RARB: variants seen among roughly 807,000 people sequenced by gnomAD.
RARB encodes the protein retinoic acid receptor beta.
Under a neutral mutation model 51.9 loss-of-function variants are expected in RARB, and 17 were observed. That is an observed-to-expected ratio of 0.33 (90% CI 0.22 to 0.49). The LOEUF is 0.49. RARB is among the 20% of genes least tolerant of loss of function. RARB has a pLI of 0.99. For missense variants in RARB, 369 were observed against 550.8 expected (o/e 0.67, Z 3.30); for synonymous variants, 215 against 195.4 (o/e 1.10, Z -0.84).
intron 5 of RARB, among the ~76,000 whole-genome samples, chr3:25,337,154 A>G (rs567396718): frequency 1.7e-4 from 26 of 152,202 alleles, no homozygotes; most frequent in African/African-American, 5.1e-4. Flanking sequence ...AGAAATGTAC[A>G]TTTTGCTCAT....
chr3:24,860,258 G>A (rs1215315864), intron 2 of RARB, among the ~76,000 whole-genome samples: 1 of 152,128 alleles, frequency 6.6e-6, no homozygotes, highest in East Asian at 1.9e-4. Context: ...TGTTGATTCT[G>A]ATTGTTCTAG....
chr3:25,009,706 C>T (rs914323993), intron 2 of RARB, among the ~76,000 whole-genome samples: 5 of 152,084 alleles, frequency 3.3e-5, no homozygotes, highest in African/African-American at 1.2e-4. Context: ...CTTTGCTCAC[C>T]AGGTCTCCCT....
chr3:25,586,056 T>G (rs986228909), intron 5 of RARB, among the ~76,000 whole-genome samples: 1 of 152,134 alleles, frequency 6.6e-6, no homozygotes, highest in Non-Finnish European at 1.5e-5. Flanking sequence ...GCCGCCCATC[T>G]GGCCCAACTC....
intron 2 of RARB, among the ~76,000 whole-genome samples, chr3:24,938,832 A>G (rs1045868609): frequency 2.6e-5 from 4 of 152,274 alleles, no homozygotes; most frequent in Non-Finnish European, 1.5e-5. Context: ...GTCCTTTTGT[A>G]TCTGGCTTAT....
intron 3 of RARB, among the ~76,000 whole-genome samples, chr3:25,532,903 G>A (rs1418620087): frequency 1.3e-5 from 2 of 152,164 alleles, no homozygotes; most frequent in Non-Finnish European, 2.9e-5. Flanking sequence ...TCAGAGGCTG[G>A]CCTCAGTACT....
At chr3:25,334,570 C>T (rs1705006091) in intron 5 of RARB, among the ~76,000 whole-genome samples, 1 of 152,022 alleles carries the variant, frequency 6.6e-6, no homozygotes, top group Admixed American at 6.6e-5. Context: ...AGGAGATATA[C>T]CTAATGTAAA....
At chr3:24,832,164 C>G (rs1192166372) in intron 1 of RARB, among the ~76,000 whole-genome samples, 1 of 152,068 alleles carries the variant, frequency 6.6e-6, no homozygotes, top group Non-Finnish European at 1.5e-5. Flanking sequence ...AAGTAAAATG[C>G]CAGCAAAACA....
intron 5 of RARB, among the ~76,000 whole-genome samples, chr3:25,267,868 G>A (rs1461892639): frequency 6.6e-6 from 1 of 152,086 alleles, no homozygotes; most frequent in Non-Finnish European, 1.5e-5. Context: ...ACTGTTTCTG[G>A]GTTGAGCTAC....
At chr3:25,433,500 T>C (rs147645601) in intron 1 of RARB, among the ~76,000 whole-genome samples, 317 of 152,306 alleles carry the variant, frequency 2.1e-3, no homozygotes, top group African/African-American at 7.0e-3. Context: ...CTCTAGCACC[T>C]GTGTGTGCGT....
intron 3 of RARB, among the ~76,000 whole-genome samples, chr3:25,557,050 T>C (rs374418578): frequency 2.0e-5 from 3 of 152,254 alleles, no homozygotes; most frequent in African/African-American, 7.2e-5. Flanking sequence ...AGGCAGTTTC[T>C]CACAATGACG....
intron 2 of RARB, among the ~76,000 whole-genome samples, chr3:24,997,736 C>T (rs1228544787): frequency 6.6e-6 from 1 of 151,998 alleles, no homozygotes; most frequent in Non-Finnish European, 1.5e-5. Flanking sequence ...GATTTATAGC[C>T]ATTTGTGGGA....
intron 1 of RARB, chr3:25,441,485 G>A (rs943536208): frequency 1.8e-5 from 3 of 166,892 alleles, no homozygotes; most frequent in Non-Finnish European, 2.6e-5. Flanking sequence ...GTTTCTTCCC[G>A]GATGCTTTTC....
At chr3:25,175,422 G>T (rs1033649113) in intron 5 of RARB, among the ~76,000 whole-genome samples, 1 of 152,114 alleles carries the variant, frequency 6.6e-6, no homozygotes, top group Non-Finnish European at 1.5e-5. Context: ...ACTCTTCCTG[G>T]TGATTGTTTT....
At chr3:24,912,972 A>ATTTTTTTTTTTTTTTTTTTTTTTTTTT (rs71622787) in intron 2 of RARB, among the ~76,000 whole-genome samples, 10 of 57,646 alleles carry the variant, frequency 1.7e-4, no homozygotes, top group East Asian at 4.9e-4. Context: ...CAAGGTACTG[A>ATTTTTTTTTTTTTTTTTTTTTTTTTTT]TTCTTTTTTT....
intron 2 of RARB, among the ~76,000 whole-genome samples, chr3:24,998,337 A>G (rs545227285): frequency 3.3e-5 from 5 of 151,796 alleles, no homozygotes; most frequent in African/African-American, 7.2e-5. Flanking sequence ...TAAATTTAAA[A>G]AAGTTATAAA....
At chr3:25,325,953 C>T (rs1205618823) in intron 5 of RARB, among the ~76,000 whole-genome samples, 1 of 152,144 alleles carries the variant, frequency 6.6e-6, no homozygotes, top group African/African-American at 2.4e-5. Flanking sequence ...CTGTTGAGAC[C>T]ATGCAAGAGA....
At chr3:25,409,175 C>T (rs1707493284) in intron 5 of RARB, among the ~76,000 whole-genome samples, 1 of 152,214 alleles carries the variant, frequency 6.6e-6, no homozygotes, top group Non-Finnish European at 1.5e-5. Context: ...CTCACCACTC[C>T]TTGTTCCTTA....
chr3:25,541,835 C>T (rs766092378), intron 3 of RARB, among the ~76,000 whole-genome samples: 1 of 152,210 alleles, frequency 6.6e-6, no homozygotes, highest in Non-Finnish European at 1.5e-5. Flanking sequence ...CGGCCCCTTC[C>T]TCCACAGACT....
chr3:25,115,389 G>A (rs1052933450), intron 3 of RARB, among the ~76,000 whole-genome samples: 26 of 152,256 alleles, frequency 1.7e-4, no homozygotes, highest in African/African-American at 6.3e-4. Context: ...CATTCAGTTA[G>A]AAAGGAACAG....
Sources: allele counts gnomAD v4.1 joint callset (sites outside exome capture counted in the v4.1 genomes callset), GRCh38; gene constraint gnomAD v4.1.1; transcripts MANE v1.5; gene names NCBI Gene and HGNC (gene_info 2026-07-23, HGNC 2026-07-21).